KCNQ3: variants seen among roughly 807,000 people sequenced by gnomAD.
The protein encoded by KCNQ3 is potassium voltage-gated channel subfamily KQT member 3.
KCNQ3 carries 30 observed loss-of-function variants against 92.5 expected under a neutral mutation model. That is an observed-to-expected ratio of 0.32 (90% CI 0.24 to 0.44). The LOEUF (loss-of-function observed/expected upper bound fraction) is 0.44, where lower values mean the gene tolerates loss of function less well. KCNQ3 is among the 20% of genes least tolerant of loss of function. The probability of loss-of-function intolerance (pLI) is 1.00; values close to 1 mark genes in which losing one functional copy is unlikely to be tolerated. For missense variants in KCNQ3, 913 were observed against 1,140.3 expected (o/e 0.80, Z 2.87); for synonymous variants, 450 against 468.8 (o/e 0.96, Z 0.52).
chr8:132,440,841 A>T (rs1476034164), intron 1 of KCNQ3, among the ~76,000 whole-genome samples: 2 of 152,178 alleles, frequency 1.3e-5, no homozygotes, highest in East Asian at 3.9e-4. Flanking sequence ...GCCCAGCCCT[A>T]TCAAGTCCTA....
At chr8:132,168,559 A>G (rs1826207101) in intron 8 of KCNQ3, among the ~76,000 whole-genome samples, 1 of 152,060 alleles carries the variant, frequency 6.6e-6, no homozygotes, top group South Asian at 2.1e-4. Context: ...CAGGGGCCCA[A>G]TCTTTCAGGG....
intron 1 of KCNQ3, among the ~76,000 whole-genome samples, chr8:132,425,724 G>T (rs117997738): frequency 7.9e-5 from 12 of 152,222 alleles, no homozygotes; most frequent in Admixed American, 2.0e-4. Flanking sequence ...AAGATCCTCC[G>T]GCAGCATGAA....
chr8:132,391,014 A>G (rs1243602056), intron 1 of KCNQ3, among the ~76,000 whole-genome samples: 1 of 152,200 alleles, frequency 6.6e-6, no homozygotes, highest in Non-Finnish European at 1.5e-5. Context: ...AAAGAAATGC[A>G]GTTTCAGAAA....
chr8:132,478,614 C>G (rs1308433048), intron 1 of KCNQ3, among the ~76,000 whole-genome samples: 1 of 147,328 alleles, frequency 6.8e-6, no homozygotes, highest in Non-Finnish European at 1.5e-5. Context: ...AGACCCCGAC[C>G]AACACCTGCA....
intron 1 of KCNQ3, among the ~76,000 whole-genome samples, chr8:132,432,905 T>C (rs138475926): frequency 7.9e-5 from 12 of 152,324 alleles, no homozygotes; most frequent in Non-Finnish European, 1.6e-4. Context: ...CAGTTCATGC[T>C]AAGAATAATT....
chr8:132,184,459 A>T, intron 2 of KCNQ3, 92 bp from the exon 3 acceptor site: 38 of 1,227,420 alleles, frequency 3.1e-5, no homozygotes, highest in Middle Eastern at 2.2e-4. Flanking sequence ...GAAGAACTCC[A>T]TTTTGTGCTG....
intron 1 of KCNQ3, among the ~76,000 whole-genome samples, chr8:132,191,036 T>C (rs1248105642): frequency 1.3e-5 from 2 of 152,246 alleles, no homozygotes; most frequent in Non-Finnish European, 2.9e-5. Flanking sequence ...CGATTAGCAA[T>C]GGCCTTGTTG....
intron 4 of KCNQ3, among the ~76,000 whole-genome samples, chr8:132,176,574 C>T (rs1826562172): frequency 6.6e-6 from 1 of 152,194 alleles, no homozygotes; most frequent in African/African-American, 2.4e-5. Flanking sequence ...CCATCTGCGG[C>T]CAGTCAGCTG....
At chr8:132,183,960 C>T (rs1826874544) in intron 3 of KCNQ3, among the ~76,000 whole-genome samples, 2 of 152,268 alleles carry the variant, frequency 1.3e-5, no homozygotes, top group Non-Finnish European at 2.9e-5. Flanking sequence ...ATCCTGCAAC[C>T]TGCTTGCTGC....
Position 132,129,851 on chromosome 8 carries a change from T to TC in KCNQ3, c.2029_2030insG (p.Tyr677Ter). ...AEAEKKEDNR[Y>*]SDLKTIICNY... is the part of the protein sequence containing the mutation. ...GCAGATGATGGTTTTCAAATCGGAATACCTGTTGTCCTCCTTCTTCTCTGC... is the reference window on the plus strand; with the variant it reads ...GCAGATGATGGTTTTCAAATCGGAATCACCTGTTGTCCTCCTTCTTCTCTGC... Residue 677 changes from tyrosine to a stop codon, truncating the protein, a stop_gained and frameshift_variant, in exon 15 of 15, where the codon TAT becomes TGAT. Transcript: ENST00000388996. LOFTEE classifies it high-confidence loss of function. This position sits in a 1 kb window ranked among gnomAD's most constrained non-coding sequence, Gnocchi z 5.9. 1 of 1,614,178 alleles carries TC rather than the reference T, an allele frequency of 6.2e-7. No homozygotes were observed. The highest frequency in any genetic ancestry group is 8.5e-7 in the Non-Finnish European group (1 of 1,180,026).
At chr8:132,254,740 G>A (rs148981958) in intron 1 of KCNQ3, among the ~76,000 whole-genome samples, 3 of 152,236 alleles carry the variant, frequency 2.0e-5, no homozygotes, top group South Asian at 2.1e-4. Flanking sequence ...TTAGCTGGGC[G>A]TGGTGGCATG....
At chr8:132,267,994 C>T (rs551457796) in intron 1 of KCNQ3, among the ~76,000 whole-genome samples, 90 of 152,272 alleles carry the variant, frequency 5.9e-4, no homozygotes, top group Non-Finnish European at 1.1e-3. Context: ...GTGCATTCCA[C>T]GGGCTTTGGC....
At position 132,480,483 on chromosome 8, in the gene KCNQ3, T is replaced by C. The variant is rs763797355; in HGVS notation, c.50A>G (p.Asp17Gly). The change falls in exon 1 of 15, where the codon GAC (aspartate) becomes GGC (glycine). Residue 17 changes from aspartate (D) to glycine (G), a missense_variant. Physicochemically the swap from Asp to Gly is moderately conservative, Grantham distance 94. Around this residue, in one of 6 missense-constraint regions of KCNQ3, gnomAD observed 183 missense variants for 167.7 expected, o/e 1.09. Coordinates refer to ENST00000388996, the MANE Select transcript of KCNQ3 (RefSeq NM_004519.4). ...RAAGAAGGGG[D>G]GGGGGGGAAN... ...CGCCCCGCCGCCTCCGCCGCCCCCGTCGCCGCCGCCGCCAGCCGCCCCCGC... is the reference window on the plus strand; with the variant it reads ...CGCCCCGCCGCCTCCGCCGCCCCCGCCGCCGCCGCCGCCAGCCGCCCCCGC... 1.7e-6 allele frequency: 2 copies of C among 1,211,128 alleles called. No homozygotes were observed. The highest frequency in any genetic ancestry group is 7.8e-5 in the South Asian group (2 of 25,500). The allele number at this position is 1,211,128 out of a possible 1,614,324, so 75.0% of individuals were successfully genotyped here. A position where few individuals can be genotyped will look rare whatever the true frequency, so the allele number is the denominator to read the frequency against.
rs1345861680 is a variant in KCNQ3 at position 132,418,677 on chromosome 8, T to G, written c.386+61470A>C. On this transcript the variant is annotated intron_variant, in intron 1 of 14. Transcript: ENST00000388996. ...GGTGCGTGCCTGTAGTCCCAGCTAC[T>G]TGGGAGGCTGAGGCCAGAGAATCAC... Among the ~76,000 whole-genome samples, 27 of 152,010 alleles carry G rather than the reference T, an allele frequency of 1.8e-4. 1 individual carries two copies. The highest frequency in any genetic ancestry group is 1.6e-3 in the Admixed American group (24 of 15,246).
chr8:132,156,194 C>CT (rs151323032), intron 9 of KCNQ3, among the ~76,000 whole-genome samples: 434 of 151,928 alleles, frequency 2.9e-3, no homozygotes, highest in African/African-American at 9.8e-3. Flanking sequence ...TAGTGAGCAC[C>CT]TATCATGTCT....
At chr8:132,349,970 A>G (rs375002934) in intron 1 of KCNQ3, among the ~76,000 whole-genome samples, 6 of 152,252 alleles carry the variant, frequency 3.9e-5, no homozygotes, top group South Asian at 2.1e-4. Flanking sequence ...CTTACTCTGC[A>G]TCAAGCGAGA....
intron 1 of KCNQ3, among the ~76,000 whole-genome samples, chr8:132,478,606 ACC>A (rs1378586507): frequency 2.7e-5 from 4 of 150,594 alleles, no homozygotes; most frequent in Non-Finnish European, 1.5e-5. Flanking sequence ...CTCCAACCAG[ACC>A]CCGACCAACA....
intron 1 of KCNQ3, among the ~76,000 whole-genome samples, chr8:132,210,180 G>A (rs1047860743): frequency 3.3e-5 from 5 of 152,172 alleles, no homozygotes; most frequent in Non-Finnish European, 7.3e-5. Context: ...TGGGGCCCAT[G>A]CTGGTCTGGT....
At chr8:132,353,379 A>C (rs955036000) in intron 1 of KCNQ3, among the ~76,000 whole-genome samples, 1 of 152,060 alleles carries the variant, frequency 6.6e-6, no homozygotes, top group Non-Finnish European at 1.5e-5. Flanking sequence ...AAAAATATTG[A>C]TCGACAACTA....
Sources: gnomAD v4.1 joint callset for allele counts (sites outside exome capture counted in the v4.1 genomes callset) on GRCh38, gnomAD v4.1.1 for gene constraint, gnomAD v4.1.1 regional missense constraint, Gnocchi (gnomAD v3.1) non-coding constraint, MANE v1.5 for transcripts, NCBI Gene and HGNC (gene_info 2026-07-23, HGNC 2026-07-21) for gene names.